TSGA10: variants seen among roughly 807,000 people sequenced by gnomAD.
The protein encoded by TSGA10 is testis specific 10.
TSGA10 carries 43 observed loss-of-function variants against 96.6 expected under a neutral mutation model. The observed-to-expected ratio is 0.44, with a 90% CI of 0.35 to 0.57. TSGA10 has a LOEUF of 0.57. Ranked by LOEUF, TSGA10 falls within the 20% of genes least tolerant of loss-of-function variation. The pLI is 0.01. For synonymous variants in TSGA10, 229 were observed against 269.9 expected (o/e 0.85, Z 1.48); for missense variants, 703 against 834.4 (o/e 0.84, Z 1.94).
intron 10 of TSGA10, among the ~76,000 whole-genome samples, chr2:99,095,165 T>C (rs2089894253): frequency 6.6e-6 from 1 of 152,148 alleles, no homozygotes; most frequent in Admixed American, 6.6e-5. Flanking sequence ...CCAAACATCT[T>C]ATGTTCTCAC....
intron 16 of TSGA10, among the ~76,000 whole-genome samples, chr2:99,051,361 A>T (rs1050997859): frequency 6.6e-5 from 10 of 152,300 alleles, no homozygotes; most frequent in African/African-American, 1.7e-4. Context: ...GAGAAAACAG[A>T]CTTTTTAAAA....
At position 98,997,406 on chromosome 2, in the gene TSGA10, G is replaced by T. The variant is rs559164231; in HGVS notation, c.*791C>A. 6.6e-6 allele frequency: 1 copy of T among 152,130 alleles called. No individual in the cohort carries two copies. The highest frequency in any genetic ancestry group is 2.1e-4 in the South Asian group (1 of 4,814). The allele number at this position is 152,130 out of a possible 1,614,324, so 9.4% of individuals were successfully genotyped here. Reference sequence around the variant, plus strand: ...AGGTAAGAGATTTAGGAAATTGGGGGAGGAAGGAAACATCACTTATCTTAT... The same window carrying T: ...AGGTAAGAGATTTAGGAAATTGGGGTAGGAAGGAAACATCACTTATCTTAT... On this transcript the variant is annotated 3_prime_UTR_variant, in exon 21 of 21. Transcript: ENST00000393483.
Position 99,108,926 on chromosome 2 carries a change from C to T in TSGA10, c.117G>A (p.Met39Ile). The change falls in exon 7 of 21, where the codon ATG (methionine) becomes ATA (isoleucine). Residue 39 changes from methionine to isoleucine, a missense_variant. Physicochemically the swap from Met to Ile is conservative, Grantham distance 10. Transcript: ENST00000393483. ...TTRDREELKC[M>I]LEKYERHLAE... ...CCAAATGGCGCTCATATTTTTCCAGCATGCATTTAAGTTCTTCACGATCTC... is the reference window on the plus strand; with the variant it reads ...CCAAATGGCGCTCATATTTTTCCAGTATGCATTTAAGTTCTTCACGATCTC... The T allele has an allele frequency of 6.2e-7, 1 of 1,609,030 alleles. No homozygotes were observed. The highest frequency in any genetic ancestry group is 1.3e-5 in the African/African-American group (1 of 74,806).
At chr2:99,063,533 G>C (rs537859513) in intron 16 of TSGA10, among the ~76,000 whole-genome samples, 1 of 152,146 alleles carries the variant, frequency 6.6e-6, no homozygotes, top group South Asian at 2.1e-4. Flanking sequence ...GGCAGGGTGT[G>C]GTGGCTCAGG....
At chr2:99,130,578 G>A (rs2093031516) in intron 1 of TSGA10, among the ~76,000 whole-genome samples, 1 of 152,014 alleles carries the variant, frequency 6.6e-6, no homozygotes, top group East Asian at 1.9e-4. Context: ...TGTGTTTCCT[G>A]TTCACTCTGA....
chr2:99,097,007 T>C (rs2090129271), intron 10 of TSGA10, among the ~76,000 whole-genome samples: 1 of 152,138 alleles, frequency 6.6e-6, no homozygotes, highest in African/African-American at 2.4e-5. Flanking sequence ...GGACTCCCTC[T>C]AAGAAACCCA....
chr2:99,056,494 A>C (rs1398315327), intron 16 of TSGA10, among the ~76,000 whole-genome samples: 1 of 152,212 alleles, frequency 6.6e-6, no homozygotes, highest in Non-Finnish European at 1.5e-5. Flanking sequence ...ACAAACTAGC[A>C]AAACTGTCTC....
intron 17 of TSGA10, among the ~76,000 whole-genome samples, chr2:99,026,366 A>G (rs2080559847): frequency 6.6e-6 from 1 of 152,192 alleles, no homozygotes; most frequent in African/African-American, 2.4e-5. Context: ...ATAGCTTTTA[A>G]AGAAGTTGAT....
intron 1 of TSGA10, among the ~76,000 whole-genome samples, chr2:99,146,679 A>G (rs1185628715): frequency 6.6e-6 from 1 of 151,798 alleles, no homozygotes; most frequent in Non-Finnish European, 1.5e-5. Flanking sequence ...CCCAGGCTGG[A>G]GTGCAATGGT....
chr2:99,053,308 G>A (rs7607578), intron 16 of TSGA10, among the ~76,000 whole-genome samples: 65,419 of 148,118 alleles, frequency 0.44, 16,815 homozygotes, highest in African/African-American at 0.72. Context: ...TTCTACAAGG[G>A]AACTACATGC....
intron 10 of TSGA10, among the ~76,000 whole-genome samples, chr2:99,083,140 A>G (rs1049848140): frequency 5.3e-5 from 8 of 152,282 alleles, no homozygotes; most frequent in African/African-American, 1.7e-4. Flanking sequence ...AAGAATAAAG[A>G]CAATATTCAA....
intron 10 of TSGA10, among the ~76,000 whole-genome samples, chr2:99,088,580 A>G (rs1193232007): frequency 6.6e-6 from 1 of 152,174 alleles, no homozygotes; most frequent in East Asian, 1.9e-4. Context: ...GGGCTGCATT[A>G]TAAATTGTTA....
intron 16 of TSGA10, among the ~76,000 whole-genome samples, chr2:99,039,030 T>C (rs2081934565): frequency 6.6e-6 from 1 of 152,124 alleles, no homozygotes; most frequent in African/African-American, 2.4e-5. Context: ...TAATCTGCTC[T>C]TGAATGATCT....
At chr2:99,097,046 A>G (rs2090134859) in intron 10 of TSGA10, among the ~76,000 whole-genome samples, 1 of 152,190 alleles carries the variant, frequency 6.6e-6, no homozygotes, top group South Asian at 2.1e-4. Flanking sequence ...CTATGGTAAT[A>G]AGTGTCAGGC....
intron 14 of TSGA10, among the ~76,000 whole-genome samples, chr2:99,070,826 T>C (rs2085874084): frequency 6.6e-6 from 1 of 152,302 alleles, no homozygotes; most frequent in East Asian, 1.9e-4. Context: ...GGCACCTCTA[T>C]TGTTAACATT....
intron 16 of TSGA10, among the ~76,000 whole-genome samples, chr2:99,052,292 C>T (rs958658816): frequency 2.0e-5 from 3 of 151,664 alleles, no homozygotes; most frequent in African/African-American, 7.3e-5. Context: ...AGAAGAGACA[C>T]AACAAGAAAT....
chr2:99,135,240 C>A (rs2093276968), intron 1 of TSGA10, among the ~76,000 whole-genome samples: 1 of 152,216 alleles, frequency 6.6e-6, no homozygotes, highest in Non-Finnish European at 1.5e-5. Flanking sequence ...TCTATAAGCC[C>A]CTGACTGGGG....
chr2:99,104,632 A>G (rs1347226673), intron 9 of TSGA10, among the ~76,000 whole-genome samples: 1 of 151,914 alleles, frequency 6.6e-6, no homozygotes, highest in Non-Finnish European at 1.5e-5. Flanking sequence ...ATGCCACCAC[A>G]CCTGGCAAAT....
At chr2:99,146,565 A>G (rs939559793) in intron 1 of TSGA10, among the ~76,000 whole-genome samples, 1 of 152,114 alleles carries the variant, frequency 6.6e-6, no homozygotes, top group African/African-American at 2.4e-5. Flanking sequence ...AAGGTAACAG[A>G]TATTTTCTTC....
Sources: allele counts gnomAD v4.1 joint callset (sites outside exome capture counted in the v4.1 genomes callset), GRCh38; gene constraint gnomAD v4.1.1; transcripts MANE v1.5; gene names NCBI Gene and HGNC (gene_info 2026-07-23, HGNC 2026-07-21).